The following FAM47E variants were observed in gnomAD, a reference collection of about 807,000 sequenced individuals.
FAM47E encodes the protein protein FAM47E.
In FAM47E, 32 loss-of-function variants were observed where a neutral mutation model predicts 41.6. That is an observed-to-expected ratio of 0.77 (90% CI 0.58 to 1.03). FAM47E has a LOEUF of 1.03. Among genes scored for constraint, FAM47E ranks in the 50% least tolerant of loss-of-function variants. FAM47E has a pLI of 0.00. For missense variants in FAM47E, 424 were observed against 485.4 expected (o/e 0.87, Z 1.19); for synonymous variants, 184 against 188.7 (o/e 0.98, Z 0.20).
intron 4 of FAM47E, among the ~76,000 whole-genome samples, chr4:76,270,547 A>G (rs1353103186): frequency 1.3e-5 from 2 of 152,200 alleles, no homozygotes; most frequent in African/African-American, 4.8e-5. Flanking sequence ...CCTAGTATCC[A>G]AACTACTGCT....
chr4:76,280,246 A>T lies in FAM47E; in HGVS notation c.1027-18A>T. 6.6e-7 allele frequency: 1 copy of T among 1,511,330 alleles called. No homozygotes were observed. Among genetic ancestry groups the T allele is most frequent in the Non-Finnish European group, 9.0e-7 (1 of 1,113,458 alleles). 93.6% of individuals were successfully genotyped at this position (1,511,330 alleles called of 1,614,324 possible). On this transcript the variant is annotated intron_variant, in intron 6 of 7. Coordinates refer to ENST00000424749, the MANE Select transcript of FAM47E (RefSeq NM_001136570.3). ...TCTGATGGCTGACCCCTTTCTTCAA[A>T]TGTGGGTACTCTTTTAGGAGGAGTT...
chr4:76,222,144 G>T (rs1344631221), intron 2 of FAM47E, among the ~76,000 whole-genome samples: 7 of 152,102 alleles, frequency 4.6e-5, no homozygotes, highest in Non-Finnish European at 1.0e-4. Context: ...ATATTCAGTG[G>T]TACAAAATAC....
At chr4:76,240,569 G>A (rs1387014299) in intron 2 of FAM47E, among the ~76,000 whole-genome samples, 1 of 151,886 alleles carries the variant, frequency 6.6e-6, no homozygotes, top group African/African-American at 2.4e-5. Flanking sequence ...TTTAGGCTCT[G>A]TTTTCTTCAA....
At chr4:76,251,864 C>T (rs546112106) in intron 1 of FAM47E, 44 bp downstream of exon 1, 19 of 1,364,980 alleles carry the variant, frequency 1.4e-5, no homozygotes, top group Non-Finnish European at 1.8e-5. Flanking sequence ...CCACGCGGGC[C>T]GCGCGGGGGC....
intron 2 of FAM47E, among the ~76,000 whole-genome samples, chr4:76,223,908 C>A (rs537754861): frequency 7.8e-4 from 119 of 152,250 alleles, no homozygotes; most frequent in African/African-American, 2.7e-3. Flanking sequence ...CAGGCTTGAT[C>A]TTTGGGCTGC....
chr4:76,224,152 T>C (rs1733354468), intron 2 of FAM47E, among the ~76,000 whole-genome samples: 1 of 152,210 alleles, frequency 6.6e-6, no homozygotes, highest in South Asian at 2.1e-4. Context: ...ATCTTACCCT[T>C]TCCTATATCT....
chr4:76,264,526 A>G (rs1316724314), intron 3 of FAM47E, among the ~76,000 whole-genome samples: 5 of 152,102 alleles, frequency 3.3e-5, no homozygotes, highest in Non-Finnish European at 7.4e-5. Flanking sequence ...TCAATATAAT[A>G]TTTAATTAAA....
chr4:76,280,428 C>A, intron 7 of FAM47E, 87 bp downstream of exon 7: 1 of 723,454 alleles, frequency 1.4e-6, no homozygotes. Flanking sequence ...CCCTGACAAA[C>A]CCAAATAGTT....
chr4:76,238,432 T>C (rs765284870), intron 2 of FAM47E, among the ~76,000 whole-genome samples: 9 of 152,210 alleles, frequency 5.9e-5, no homozygotes, highest in Non-Finnish European at 1.3e-4. Flanking sequence ...GTGGGCTGGC[T>C]GAAGGATCCT....
upstream of FAM47E, among the ~76,000 whole-genome samples, chr4:76,248,544 C>T (rs1245127816): frequency 6.6e-6 from 1 of 152,116 alleles, no homozygotes; most frequent in Non-Finnish European, 1.5e-5. Flanking sequence ...GCCTGACACA[C>T]ATTATATACT....
chr4:76,216,129 C>T (rs983125333), intron 1 of FAM47E, among the ~76,000 whole-genome samples: 1 of 152,128 alleles, frequency 6.6e-6, no homozygotes, highest in Non-Finnish European at 1.5e-5. Flanking sequence ...TGTCCACAAT[C>T]GGCAGCCTTT....
intron 2 of FAM47E, among the ~76,000 whole-genome samples, chr4:76,220,045 A>G (rs1374356598): frequency 6.6e-6 from 1 of 152,236 alleles, no homozygotes; most frequent in Non-Finnish European, 1.5e-5. Flanking sequence ...AGCTATCTTA[A>G]GCAGAACTGT....
At chr4:76,245,202 C>G (rs1294012904) in intron 2 of FAM47E, among the ~76,000 whole-genome samples, 5 of 151,850 alleles carry the variant, frequency 3.3e-5, no homozygotes, top group Admixed American at 1.3e-4. Context: ...TCATAAGTAA[C>G]ATACGTATCA....
At chr4:76,276,037 G>GACAGACAGACACAC (rs1553957135) in intron 5 of FAM47E, among the ~76,000 whole-genome samples, 4 of 62,348 alleles carry the variant, frequency 6.4e-5, no homozygotes, top group Non-Finnish European at 1.4e-4. Context: ...CAGACAGACA[G>GACAGACAGACACAC]ACACACACAC....
chr4:76,268,886 T>A, intron 4 of FAM47E, 118 bp downstream of exon 4: 1 of 1,302,126 alleles, frequency 7.7e-7, no homozygotes, highest in Non-Finnish European at 1.0e-6. Flanking sequence ...AAAACAGTAT[T>A]GGATAAAATC....
At chr4:76,215,964 T>G (rs1448223403) in intron 1 of FAM47E, among the ~76,000 whole-genome samples, 2 of 152,140 alleles carry the variant, frequency 1.3e-5, no homozygotes, top group Non-Finnish European at 2.9e-5. Context: ...GAGCAGATGG[T>G]AAGGGCAGAA....
At chr4:76,239,973 A>C (rs1733672962) in intron 2 of FAM47E, among the ~76,000 whole-genome samples, 1 of 152,190 alleles carries the variant, frequency 6.6e-6, no homozygotes, top group African/African-American at 2.4e-5. Context: ...ACCATTTGTC[A>C]AAAAGATCAT....
In FAM47E at chr4:76,258,039, C is replaced by G. The variant is rs115692284; in HGVS notation, c.420+1516C>G. On this transcript the variant is annotated intron_variant, in intron 2 of 7. Transcript: ENST00000424749. ...CTTTCCCTCACTGCCTCCTGCAGGC[C>G]AGAACTTCTGAGTCCATGACAAAGA... Among the ~76,000 whole-genome samples, 528 of 152,260 alleles carry G rather than the reference C, an allele frequency of 3.5e-3. 2 individuals carry two copies. The highest frequency in any genetic ancestry group is 0.012 in the African/African-American group (507 of 41,552).
Position 76,256,496 on chromosome 4 carries a change from G to C in FAM47E, c.393G>C (p.Leu131=). The stretch of plus-strand genomic sequence containing the variant: ...CCCCACATCCCTTAGCGCTCTACCT[G>C]AATCTGGAAGAAGCTATGCCCATAG... ...HLTPHPLALY[L]NLEEAMPIEL... is the part of the protein sequence containing the mutation. Residue 131 remains leucine, a synonymous_variant, in exon 2 of 8, where the codon CTG becomes CTC. Transcript: ENST00000424749. The C allele has an allele frequency of 6.4e-7, 1 of 1,550,806 alleles. No homozygotes were observed.
Sources: allele counts gnomAD v4.1 joint callset (sites outside exome capture counted in the v4.1 genomes callset), GRCh38; gene constraint gnomAD v4.1.1; transcripts MANE v1.5; gene names NCBI Gene and HGNC (gene_info 2026-07-23, HGNC 2026-07-21).